Variants in AP1B1 observed in about 807,000 individuals in gnomAD.
AP1B1 encodes the protein AP-1 complex subunit beta-1.
Under a neutral mutation model 104.3 loss-of-function variants are expected in AP1B1, and 36 were observed. The ratio of observed to expected loss-of-function variants is 0.35; its 90% confidence interval spans 0.26 to 0.46. The LOEUF (loss-of-function observed/expected upper bound fraction) is 0.46, where lower values mean the gene tolerates loss of function less well. AP1B1 is among the 20% of genes least tolerant of loss of function. AP1B1 has a pLI of 1.00. For missense variants in AP1B1, 901 were observed against 1,247.9 expected, an observed-to-expected ratio of 0.72 and a Z score of 4.19; for synonymous variants, 504 against 517.5, an observed-to-expected ratio of 0.97 and a Z score of 0.35.
intron 5 of AP1B1, among the ~76,000 whole-genome samples, chr22:29,357,626 A>AAAT (rs1310892253): frequency 6.6e-6 from 1 of 151,720 alleles, no homozygotes; most frequent in African/African-American, 2.4e-5. Context: ...TCAGCCTCCC[A>AAAT]AATAGCTGGG....
intron 6 of AP1B1, among the ~76,000 whole-genome samples, chr22:29,355,363 C>T (rs1015478142): frequency 1.9e-4 from 29 of 151,412 alleles, no homozygotes; most frequent in Non-Finnish European, 3.2e-4. Flanking sequence ...GGGAGGCTGA[C>T]GCAGGAGGAC....
chr22:29,349,485 A>C, intron 10 of AP1B1, 102 bp from the exon 11 acceptor site: 1 of 1,250,494 alleles, frequency 8.0e-7, no homozygotes, highest in Non-Finnish European at 1.1e-6. Flanking sequence ...GCCTCCTAAG[A>C]CCCCAAGGTG....
intron 1 of AP1B1, among the ~76,000 whole-genome samples, chr22:29,370,321 C>T (rs540183996): frequency 1.3e-5 from 2 of 151,972 alleles, no homozygotes; most frequent in African/African-American, 4.8e-5. Flanking sequence ...GGCGTGGTGG[C>T]ATGTGCCTGT....
Position 29,330,510 on chromosome 22 carries a change from C to T in AP1B1, c.2634G>A (p.Gln878=). The change falls in exon 21 of 23, where the codon CAG becomes CAA. Residue 878 remains glutamine (Q), a synonymous_variant. Coordinates refer to ENST00000357586, the MANE Select transcript of AP1B1 (RefSeq NM_001127.4). The stretch of plus-strand genomic sequence containing the variant: ...TGGCGACAGTGAAGATGTTGCTGCT[C>T]TGCAGCTTGCTGCTCGCAGCCTCTG... ...LNAEAASSKL[Q]SSNIFTVAKR... 1 of 1,610,932 alleles carries T rather than the reference C, an allele frequency of 6.2e-7. No individual in the cohort carries two copies. The highest frequency in any genetic ancestry group is 8.5e-7 in the Non-Finnish European group (1 of 1,177,384).
intron 16 of AP1B1, among the ~76,000 whole-genome samples, chr22:29,334,635 C>T (rs1322925530): frequency 1.3e-5 from 2 of 152,174 alleles, no homozygotes; most frequent in African/African-American, 4.8e-5. Flanking sequence ...CGGAGCAGCT[C>T]AGGGTGGGGA....
chr22:29,382,916 G>C (rs909054907), intron 1 of AP1B1, among the ~76,000 whole-genome samples: 1 of 152,232 alleles, frequency 6.6e-6, no homozygotes, highest in African/African-American at 2.4e-5. Flanking sequence ...GTTTTGAGCA[G>C]AGGAGTCCTG....
At chr22:29,329,781 G>A (rs2061529554) in intron 21 of AP1B1, 61 bp from the exon 22 acceptor site, 20 of 1,609,862 alleles carry the variant, frequency 1.2e-5, no homozygotes, top group Non-Finnish European at 1.7e-5. Context: ...GGAGACGGAA[G>A]TTACCACCAC....
chr22:29,351,439 T>TGG (rs1221645869), intron 8 of AP1B1, 173 bp from the exon 9 acceptor site: 1 of 876,114 alleles, frequency 1.1e-6, no homozygotes, highest in Non-Finnish European at 1.8e-6. Context: ...AAAGAAGGCC[T>TGG]GGACAACCTT....
At chr22:29,387,683 A>T (rs1383464911) in intron 1 of AP1B1, among the ~76,000 whole-genome samples, 1 of 152,222 alleles carries the variant, frequency 6.6e-6, no homozygotes, top group Non-Finnish European at 1.5e-5. Flanking sequence ...GGTCTCTGAC[A>T]GCCTGGCAGA....
chr22:29,351,797 C>A lies in AP1B1; in HGVS notation c.967G>T (p.Val323Leu). The A allele has an allele frequency of 6.2e-7, 1 of 1,614,210 alleles. No homozygotes were observed. Among genetic ancestry groups the A allele is most frequent in the Non-Finnish European group, 8.5e-7 (1 of 1,180,040 alleles). Residue 323 changes from valine to leucine, a missense_variant, in exon 8 of 23, where the codon GTG becomes TTG. Transcript: ENST00000357586. ...RPEILKHEMK[V>L]FFVKYNDPIY... ...GGGTCGTTGTACTTCACGAAGAACA[C>A]CTTCATCTCATGCTTCAGGATCTCA...
chr22:29,330,478 T>A lies in AP1B1; in HGVS notation c.2666A>T (p.Asn889Ile). The A allele has an allele frequency of 1.9e-6, 3 of 1,613,572 alleles. No homozygotes were observed. The highest frequency in any genetic ancestry group is 2.5e-6 in the Non-Finnish European group (3 of 1,179,644). ...SSNIFTVAKR[N>I]VEGQDMLYQS... ...GTAGAGCATGTCCTGGCCCTCCACG[T>A]TCCTCTTGGCGACAGTGAAGATGTT... The change falls in exon 21 of 23, where the codon AAC (asparagine) becomes ATC (isoleucine). Residue 889 changes from asparagine to isoleucine, a missense_variant. Physicochemically the swap from Asn to Ile is moderately radical, Grantham distance 149. Coordinates refer to ENST00000357586, the MANE Select transcript of AP1B1 (RefSeq NM_001127.4).
rs182332770 is a variant in AP1B1, at chr22:29,362,799, A to C, written c.143+202T>G. On this transcript the variant is annotated intron_variant, in intron 3 of 22. Coordinates refer to ENST00000357586, the MANE Select transcript of AP1B1 (RefSeq NM_001127.4). Reference sequence around the variant, plus strand: ...ACCTACTCCAGTTAACTCACTCCATAACCACCTGACCTGTCAGTGTCTGGG... The same window carrying C: ...ACCTACTCCAGTTAACTCACTCCATCACCACCTGACCTGTCAGTGTCTGGG... Among the ~76,000 whole-genome samples, 272 of 152,144 alleles carry C rather than the reference A, an allele frequency of 1.8e-3. 2 individuals carry two copies. Among genetic ancestry groups the C allele is most frequent in the East Asian group, 9.3e-3 (48 of 5,174 alleles).
chr22:29,329,479 C>T, intron 22 of AP1B1: 1 of 1,388,954 alleles, frequency 7.2e-7, no homozygotes, highest in Non-Finnish European at 9.3e-7. Flanking sequence ...TGGAGTTCCG[C>T]AGGTCAGCAG....
intron 22 of AP1B1, chr22:29,329,472 A>C: frequency 7.2e-7 from 1 of 1,385,568 alleles, no homozygotes; most frequent in South Asian, 1.7e-5. Flanking sequence ...GGAACAATGG[A>C]GTTCCGCAGG....
intron 1 of AP1B1, among the ~76,000 whole-genome samples, chr22:29,383,439 G>A (rs1057071456): frequency 2.0e-5 from 3 of 152,092 alleles, no homozygotes; most frequent in African/African-American, 7.2e-5. Flanking sequence ...GGCCGGGTGC[G>A]GTGGCTCACG....
Position 29,356,452 on chromosome 22 carries a change from C to T in AP1B1, c.690G>A (p.Met230Ile), listed in dbSNP as rs1360271528. ...TCTGGGCCTCGCGGTCGTCCTTGGG[C>T]ATATAGTTGGCGAGGCAGTCCAGGA... is the stretch of plus-strand genomic sequence containing the variant. Reference protein sequence around the residue: ...IFILDCLANYMPKDDREAQSI... With the variant: ...IFILDCLANYIPKDDREAQSI... The change falls in exon 6 of 23, where the codon ATG becomes ATA. Residue 230 changes from methionine to isoleucine, a missense_variant. Physicochemically the swap from Met to Ile is conservative, Grantham distance 10. Around this residue, in one of 3 missense-constraint regions of AP1B1, gnomAD observed 471 missense variants for 696.7 expected, o/e 0.68. Transcript: ENST00000357586. The T allele has an allele frequency of 3.7e-6, 6 of 1,614,060 alleles. No individual in the cohort carries two copies. Among genetic ancestry groups the T allele is most frequent in the Non-Finnish European group, 3.4e-6 (4 of 1,180,004 alleles).
Position 29,338,992 on chromosome 22 carries a change from C to T in AP1B1, c.2161G>A (p.Ala721Thr). The change falls in exon 16 of 23, where the codon GCA becomes ACA. Residue 721 changes from alanine to threonine, a missense_variant and splice_region_variant. By Grantham distance (58) the Ala-to-Thr change is moderately conservative. This residue lies in a region of AP1B1 where 424 missense variants were observed against 494.0 expected (regional missense o/e 0.86). Transcript: ENST00000357586. ...TLSGSYVAPK[A>T]VWLPAMKAKG... ...AAGACAGAAGACAAGTGACTTACTG[C>T]TTTGGGGGCCACATATGATCCTGAC... 1 of 1,614,116 alleles carries T rather than the reference C, an allele frequency of 6.2e-7. No individual in the cohort carries two copies. The highest frequency in any genetic ancestry group is 2.2e-5 in the East Asian group (1 of 44,892).
At chr22:29,356,390 CA>C (rs1261097431) in intron 6 of AP1B1, 35 bp downstream of exon 6, 1 of 1,583,134 alleles carries the variant, frequency 6.3e-7, no homozygotes, top group Admixed American at 1.7e-5. Flanking sequence ...CCAGGGTCCT[CA>C]AGCTGGGCTG....
intron 1 of AP1B1, chr22:29,370,427 C>G (rs1380983663): frequency 1.0e-4 from 14 of 139,240 alleles, no homozygotes; most frequent in Non-Finnish European, 1.8e-4. Context: ...CACTCCAGCC[C>G]GAGCGACAGA....
Sources: gnomAD v4.1 joint callset for allele counts (sites outside exome capture counted in the v4.1 genomes callset) on GRCh38, gnomAD v4.1.1 for gene constraint, gnomAD v4.1.1 regional missense constraint, MANE v1.5 for transcripts, NCBI Gene and HGNC (gene_info 2026-07-23, HGNC 2026-07-21) for gene names.